Variants in TMEM151B observed in about 807,000 individuals in gnomAD.
TMEM151B encodes transmembrane protein 151B.
TMEM151B carries 18 observed loss-of-function variants against 33.0 expected under a neutral mutation model. That is an observed-to-expected ratio of 0.55 (90% CI 0.38 to 0.81). The LOEUF is 0.81. Ranked by LOEUF, TMEM151B falls within the 30% of genes least tolerant of loss-of-function variation. The pLI is 0.00. For missense variants in TMEM151B, 672 were observed against 843.4 expected (o/e 0.80, Z 2.52); for synonymous variants, 354 against 373.6 (o/e 0.95, Z 0.61).
At position 44,275,888 on chromosome 6, in the gene TMEM151B, G is replaced by C. The variant is rs533198824; in HGVS notation, c.1062G>C (p.Leu354=). 156 of 1,534,860 alleles carry C rather than the reference G, an allele frequency of 1.0e-4. 3 individuals are homozygous for C. In the South Asian group the frequency reaches 1.8e-3, roughly 18 times the overall value. ...GTGGCCTCAGCCCCAGCGATGAGCTGCTGCCCCCGCTCACCCACCGCCTGC... is the reference window on the plus strand; with the variant it reads ...GTGGCCTCAGCCCCAGCGATGAGCTCCTGCCCCCGCTCACCCACCGCCTGC... ...AGGGLSPSDE[L]LPPLTHRLPR... Residue 354 remains leucine, a synonymous_variant, in exon 3 of 3, where the codon CTG becomes CTC. Coordinates refer to ENST00000451188, the MANE Select transcript of TMEM151B (RefSeq NM_001137560.2).
rs1782660662 is a variant in TMEM151B at position 44,278,028 on chromosome 6, C to T, written c.*1501C>T. The T allele has an allele frequency of 6.5e-6, 1 of 153,288 alleles. No individual in the cohort carries two copies. The highest frequency in any genetic ancestry group is 6.5e-5 in the Admixed American group (1 of 15,296). 9.5% of individuals were successfully genotyped at this position (153,288 alleles called of 1,614,324 possible). ...ACCCTTGGGCCACCCACATCTCTCA[C>T]CCCTGATGCTTCTTACTTCGCCTGA... On this transcript the variant is annotated 3_prime_UTR_variant, in exon 3 of 3. Coordinates refer to ENST00000451188, the MANE Select transcript of TMEM151B (RefSeq NM_001137560.2).
Position 44,276,535 on chromosome 6 carries a change from C to A in TMEM151B, c.*8C>A. 7.4e-7 allele frequency: 1 copy of A among 1,347,710 alleles called. No homozygotes were observed. Among genetic ancestry groups the A allele is most frequent in the Non-Finnish European group, 9.6e-7 (1 of 1,044,548 alleles). The allele number at this position is 1,347,710 out of a possible 1,614,324, so 83.5% of individuals were successfully genotyped here. ...GTAGAGACCTCACTGTGACCTCCGG[C>A]CCCGGAGTGGCCCGCGCCGTCCTCC... is the stretch of plus-strand genomic sequence containing the variant. On this transcript the variant is annotated 3_prime_UTR_variant, in exon 3 of 3. Coordinates refer to ENST00000451188, the MANE Select transcript of TMEM151B (RefSeq NM_001137560.2).
At chr6:44,271,913 G>T (rs1782375780) in intron 1 of TMEM151B, among the ~76,000 whole-genome samples, 1 of 142,704 alleles carries the variant, frequency 7.0e-6, no homozygotes, top group African/African-American at 3.0e-5. Context: ...TGTGTGGTGG[G>T]GGATGGGTTC....
intron 1 of TMEM151B, 48 bp from the exon 2 acceptor site, chr6:44,273,018 C>T: frequency 7.0e-7 from 1 of 1,436,412 alleles, no homozygotes; most frequent in Non-Finnish European, 9.2e-7. Flanking sequence ...GTCCTGCCTG[C>T]TCTCACTTCC....
At position 44,276,446 on chromosome 6, in the gene TMEM151B, C is replaced by T; in HGVS notation, c.1620C>T (p.Ile540=). The part of the protein sequence containing the change: ...YHDALYFPVL[I]VHRQEGCLGH... ...ACGCCCTCTACTTTCCGGTCCTCAT[C>T]GTCCACCGGCAGGAGGGGTGTCTGG... The change falls in exon 3 of 3, where the codon ATC becomes ATT. Residue 540 remains isoleucine (I), a synonymous_variant. Transcript: ENST00000451188. The T allele has an allele frequency of 2.0e-6, 3 of 1,495,388 alleles. No individual in the cohort carries two copies. The highest frequency in any genetic ancestry group is 1.4e-5 in the African/African-American group (1 of 70,230). 92.6% of individuals were successfully genotyped at this position (1,495,388 alleles called of 1,614,324 possible).
In TMEM151B at chr6:44,276,607, T is replaced by G; in HGVS notation, c.*80T>G. On this transcript the variant is annotated 3_prime_UTR_variant, in exon 3 of 3. Transcript: ENST00000451188. ...TGCTCCCTCTGCGACGCAGGGCGAG[T>G]CACCACGGTGACTGAGGCCGCGCGG... is the stretch of plus-strand genomic sequence containing the variant. 7.7e-7 allele frequency: 1 copy of G among 1,292,550 alleles called. No individual in the cohort carries two copies. Among genetic ancestry groups the G allele is most frequent in the Non-Finnish European group, 9.8e-7 (1 of 1,019,896 alleles). The allele number at this position is 1,292,550 out of a possible 1,614,324, so 80.1% of individuals were successfully genotyped here. A position where few individuals can be genotyped will look rare whatever the true frequency, so the allele number is the denominator to read the frequency against.
chr6:44,273,302 C>T lies in TMEM151B; in HGVS notation c.372C>T (p.Tyr124=), dbSNP rs1450665652. The change falls in exon 2 of 3, where the codon TAC becomes TAT. Residue 124 remains tyrosine, a synonymous_variant. Coordinates refer to ENST00000451188, the MANE Select transcript of TMEM151B (RefSeq NM_001137560.2). ...YIPLAFLLML[Y]AVYLVECWHC... ...CCCTGGCCTTCCTGCTCATGTTGTA[C>T]GCCGTCTACCTGGTGGAGTGTTGGC... 14 of 1,551,700 alleles carry T rather than the reference C, an allele frequency of 9.0e-6. No homozygotes were observed. Among genetic ancestry groups the T allele is most frequent in the South Asian group, 2.4e-5 (2 of 84,066 alleles).
chr6:44,276,061 C>A lies in TMEM151B; in HGVS notation c.1235C>A (p.Ser412Ter). The change falls in exon 3 of 3, where the codon TCG becomes TAG. Residue 412 changes from serine (S) to a stop codon, truncating the protein, a stop_gained. Coordinates refer to ENST00000451188, the MANE Select transcript of TMEM151B (RefSeq NM_001137560.2). LOFTEE classifies it low-confidence loss of function (END_TRUNC). ...GGGGCAGGCGGCGGCTACGCGCCCTCGTGCCGCTACGGTGGGGTAGGCGGC... is the reference window on the plus strand; with the variant it reads ...GGGGCAGGCGGCGGCTACGCGCCCTAGTGCCGCTACGGTGGGGTAGGCGGC... ...CGGAGGGYAP[S>*]CRYGGVGGPG... The A allele has an allele frequency of 7.5e-7, 1 of 1,341,052 alleles. No homozygotes were observed. Among genetic ancestry groups the A allele is most frequent in the Non-Finnish European group, 9.5e-7 (1 of 1,052,896 alleles). The allele number at this position is 1,341,052 out of a possible 1,614,324, so 83.1% of individuals were successfully genotyped here.
intron 2 of TMEM151B, 90 bp from the exon 3 acceptor site, chr6:44,275,313 G>A: frequency 7.0e-7 from 1 of 1,435,770 alleles, no homozygotes; most frequent in African/African-American, 1.4e-5. Flanking sequence ...GGCAACCAGA[G>A]CACAGATGGG....
In TMEM151B at chr6:44,273,165, G is replaced by A; in HGVS notation, c.235G>A (p.Val79Met). The A allele has an allele frequency of 6.5e-7, 1 of 1,545,624 alleles. No individual in the cohort carries two copies. The highest frequency in any genetic ancestry group is 8.8e-7 in the Non-Finnish European group (1 of 1,142,474). The stretch of plus-strand genomic sequence containing the variant: ...GCTCATGTACGGCTGCCTGGGGGCA[G>A]TGGCCTGGTGCCACGTCACCACAGT... Reference protein sequence around the residue: ...SLLMYGCLGAVAWCHVTTVTR... With the variant: ...SLLMYGCLGAMAWCHVTTVTR... The change falls in exon 2 of 3, where the codon GTG (valine) becomes ATG (methionine). Residue 79 changes from valine to methionine, a missense_variant. Around this residue, in one of 3 missense-constraint regions of TMEM151B, gnomAD observed 285 missense variants for 423.1 expected, o/e 0.67. Coordinates refer to ENST00000451188, the MANE Select transcript of TMEM151B (RefSeq NM_001137560.2).
Position 44,276,480 on chromosome 6 carries a change from C to T in TMEM151B, c.1654C>T (p.His552Tyr). ...HRQEGCLGHS[H>Y]RPLHRHGSCV... ...GCAGGAGGGGTGTCTGGGCCACAGC[C>T]ACCGGCCGCTGCACCGCCACGGCTC... The change falls in exon 3 of 3, where the codon CAC (histidine) becomes TAC (tyrosine). Residue 552 changes from histidine (H) to tyrosine (Y), a missense_variant. Physicochemically the swap from His to Tyr is moderately conservative, Grantham distance 83. Coordinates refer to ENST00000451188, the MANE Select transcript of TMEM151B (RefSeq NM_001137560.2). 2 of 1,450,070 alleles carry T rather than the reference C, an allele frequency of 1.4e-6. No individual in the cohort carries two copies. The highest frequency in any genetic ancestry group is 1.8e-6 in the Non-Finnish European group (2 of 1,099,694). The allele number at this position is 1,450,070 out of a possible 1,614,324, so 89.8% of individuals were successfully genotyped here.
Position 44,279,100 on chromosome 6 carries a change from A to G in TMEM151B, c.*2573A>G, listed in dbSNP as rs1782711360. On this transcript the variant is annotated 3_prime_UTR_variant, in exon 3 of 3. Coordinates refer to ENST00000451188, the MANE Select transcript of TMEM151B (RefSeq NM_001137560.2). ...CCCATGACCTGCCCTTTGGGGACAC[A>G]GTTCTGGAGGCTCTGGGCCAATGAA... 1 of 152,330 alleles carries G rather than the reference A, an allele frequency of 6.6e-6. No individual in the cohort carries two copies. Among genetic ancestry groups the G allele is most frequent in the South Asian group, 2.1e-4 (1 of 4,836 alleles). The allele number at this position is 152,330 out of a possible 1,614,324, so 9.4% of individuals were successfully genotyped here. A position where few individuals can be genotyped will look rare whatever the true frequency, so the allele number is the denominator to read the frequency against.
In TMEM151B at chr6:44,275,452, A is replaced by G; in HGVS notation, c.626A>G (p.Tyr209Cys). The G allele has an allele frequency of 6.5e-7, 1 of 1,542,732 alleles. No individual in the cohort carries two copies. ...NTHVAEAEFDYARCGVRDVSK... is the reference protein window; with the variant it reads ...NTHVAEAEFDCARCGVRDVSK... ...CACGTGGCGGAGGCTGAGTTCGACT[A>G]CGCGCGCTGCGGCGTTCGCGACGTG... The change falls in exon 3 of 3, where the codon TAC (tyrosine) becomes TGC (cysteine). Residue 209 changes from tyrosine to cysteine, a missense_variant. This residue lies in a region of TMEM151B where 285 missense variants were observed against 423.1 expected (regional missense o/e 0.67). Transcript: ENST00000451188.
rs1439665973 is a variant in TMEM151B at position 44,277,256 on chromosome 6, A to G, written c.*729A>G. ...CACCTTCCGCTCCCCAGTCCTGCAGAGCTGTTGCCAGGGTGCAGTGGGGAG... is the reference window on the plus strand; with the variant it reads ...CACCTTCCGCTCCCCAGTCCTGCAGGGCTGTTGCCAGGGTGCAGTGGGGAG... On this transcript the variant is annotated 3_prime_UTR_variant, in exon 3 of 3. Transcript: ENST00000451188. 2 of 152,330 alleles carry G rather than the reference A, an allele frequency of 1.3e-5. No individual in the cohort carries two copies. Among genetic ancestry groups the G allele is most frequent in the Non-Finnish European group, 2.9e-5 (2 of 68,132 alleles). The allele number at this position is 152,330 out of a possible 1,614,324, so 9.4% of individuals were successfully genotyped here.
Position 44,270,803 on chromosome 6 carries a change from G to T in TMEM151B, c.61G>T (p.Gly21Cys). 3 of 1,133,144 alleles carry T rather than the reference G, an allele frequency of 2.6e-6. No individual in the cohort carries two copies. Among genetic ancestry groups the T allele is most frequent in the Non-Finnish European group, 3.2e-6 (3 of 925,184 alleles). The allele number at this position is 1,133,144 out of a possible 1,614,324, so 70.2% of individuals were successfully genotyped here. The change falls in exon 1 of 3, where the codon GGC becomes TGC. Residue 21 changes from glycine to cysteine, a missense_variant. By Grantham distance (159) the Gly-to-Cys change is radical (BLOSUM62 -3). This residue lies in a region of TMEM151B where 63 missense variants were observed against 57.2 expected (regional missense o/e 1.10). Coordinates refer to ENST00000451188, the MANE Select transcript of TMEM151B (RefSeq NM_001137560.2). ...CGCCGGCGGCGGCGGCGGCGGTGGC[G>T]GCCCCGGGGTCTCGGAGGAGCTCAC... Reference protein sequence around the residue: ...SAAGGGGGGGGPGVSEELTAA... With the variant: ...SAAGGGGGGGCPGVSEELTAA...
chr6:44,273,461 C>T lies in TMEM151B; in HGVS notation c.531C>T (p.Arg177=). Residue 177 remains arginine (R), a synonymous_variant, in exon 2 of 3, where the codon CGC becomes CGT. Transcript: ENST00000451188. ...GCTACCACTATGTCCGCCGCACCCG[C>T]CAGGTCACCAGATACCGCAATGGAG... The part of the protein sequence containing the change: ...AISYHYVRRT[R]QVTRYRNGDA... 2 of 1,550,864 alleles carry T rather than the reference C, an allele frequency of 1.3e-6. No individual in the cohort carries two copies. Among genetic ancestry groups the T allele is most frequent in the Admixed American group, 2.0e-5 (1 of 51,004 alleles).
At position 44,273,558 on chromosome 6, in the gene TMEM151B, C is replaced by A. The variant is rs571634353; in HGVS notation, c.576+52C>A. ...CATTCAACATGGGAGGTGGCACTTA[C>A]GTGCTGCCTCACTCCCTCCCCACCT... is the stretch of plus-strand genomic sequence containing the variant. On this transcript the variant is annotated intron_variant, in intron 2 of 2. Coordinates refer to ENST00000451188, the MANE Select transcript of TMEM151B (RefSeq NM_001137560.2). The A allele has an allele frequency of 5.4e-6, 8 of 1,487,056 alleles. No individual in the cohort carries two copies. The South Asian group carries it at 1.1e-4, about 20-fold the overall frequency. 92.1% of individuals were successfully genotyped at this position (1,487,056 alleles called of 1,614,324 possible).
intron 2 of TMEM151B, 69 bp from the exon 3 acceptor site, chr6:44,275,334 G>C (rs935923129): frequency 1.4e-6 from 2 of 1,445,348 alleles, no homozygotes; most frequent in Non-Finnish European, 1.8e-6. Context: ...GCGGGAAAGG[G>C]TGAGTGGGCA....
At chr6:44,272,000 A>G (rs1782378981) in intron 1 of TMEM151B, among the ~76,000 whole-genome samples, 1 of 151,968 alleles carries the variant, frequency 6.6e-6, no homozygotes, top group African/African-American at 2.4e-5. Flanking sequence ...CTCAATTAGG[A>G]TGTGGCTGCT....
Sources: gnomAD v4.1 joint callset for allele counts (sites outside exome capture counted in the v4.1 genomes callset) on GRCh38, gnomAD v4.1.1 for gene constraint, gnomAD v4.1.1 regional missense constraint, MANE v1.5 for transcripts, NCBI Gene and HGNC (gene_info 2026-07-23, HGNC 2026-07-21) for gene names.